ADGRL3: variants seen among roughly 807,000 people sequenced by gnomAD.
ADGRL3 encodes the protein calcium-independent alpha-latrotoxin receptor 3.
ADGRL3 carries 62 observed loss-of-function variants against 153.5 expected under a neutral mutation model. That is an observed-to-expected ratio of 0.40 (90% CI 0.33 to 0.50). ADGRL3 has a LOEUF of 0.50. ADGRL3 is among the 20% of genes least tolerant of loss of function. The pLI is 0.47. For missense variants in ADGRL3, 1,641 were observed against 1,859.4 expected, an observed-to-expected ratio of 0.88 and a Z score of 2.16; for synonymous variants, 710 against 672.5, an observed-to-expected ratio of 1.06 and a Z score of -0.86.
chr4:61,364,269 A>G (rs1419016970), intron 1 of ADGRL3, among the ~76,000 whole-genome samples: 1 of 151,078 alleles, frequency 6.6e-6, no homozygotes, highest in African/African-American at 2.4e-5. Context: ...GCAGGCAGAG[A>G]TTGCAGTGAG....
intron 21 of ADGRL3, among the ~76,000 whole-genome samples, chr4:62,012,325 T>C (rs1458525887): frequency 6.6e-6 from 1 of 152,204 alleles, no homozygotes; most frequent in East Asian, 1.9e-4. Flanking sequence ...TCAACTTGAA[T>C]TTTAAATATT....
intron 1 of ADGRL3, among the ~76,000 whole-genome samples, chr4:61,268,694 C>A (rs1427941708): frequency 2.6e-5 from 4 of 151,172 alleles, no homozygotes; most frequent in African/African-American, 9.7e-5. Flanking sequence ...TAAAATATGA[C>A]ACATATTTGG....
At chr4:61,513,199 G>A (rs761913993) in intron 3 of ADGRL3, among the ~76,000 whole-genome samples, 3 of 152,098 alleles carry the variant, frequency 2.0e-5, no homozygotes, top group Non-Finnish European at 2.9e-5. Flanking sequence ...TTACAAAGCT[G>A]CTCATGTAAG....
chr4:61,250,502 G>C (rs1246398805), intron 1 of ADGRL3, among the ~76,000 whole-genome samples: 2 of 152,148 alleles, frequency 1.3e-5, no homozygotes, highest in Non-Finnish European at 2.9e-5. Context: ...TGATGGCCTT[G>C]AAGGAGCTCC....
Position 61,878,812 on chromosome 4 carries a change from A to AT in ADGRL3, c.1481-13838dup, listed in dbSNP as rs1224118596. Among the ~76,000 whole-genome samples, 6 of 152,236 alleles carry AT rather than the reference A, an allele frequency of 3.9e-5. No homozygotes were observed. In the East Asian group the frequency reaches 1.2e-3, roughly 29 times the overall value. Reference sequence around the variant, plus strand: ...ATTTGGTCTGCAGAGTCTTACATAAATTTTTTACATTCCCTTGTGTGAAGA... The same window carrying AT: ...ATTTGGTCTGCAGAGTCTTACATAAATTTTTTTACATTCCCTTGTGTGAAGA... On this transcript the variant is annotated intron_variant, in intron 9 of 26. Coordinates refer to ENST00000683033, the MANE Select transcript of ADGRL3 (RefSeq NM_001387552.1).
intron 2 of ADGRL3, among the ~76,000 whole-genome samples, chr4:61,416,727 G>C (rs2097148736): frequency 6.6e-6 from 1 of 152,144 alleles, no homozygotes; most frequent in African/African-American, 2.4e-5. Flanking sequence ...TTTGGCACTA[G>C]GAACCAGTTT....
intron 5 of ADGRL3, among the ~76,000 whole-genome samples, chr4:61,651,126 A>C (rs1482776768): frequency 2.0e-5 from 3 of 152,150 alleles, no homozygotes; most frequent in Non-Finnish European, 2.9e-5. Flanking sequence ...TCGGAAGAAA[A>C]GTTCTAGCTT....
chr4:61,890,350 T>C (rs1213772204), intron 9 of ADGRL3, among the ~76,000 whole-genome samples: 3 of 152,324 alleles, frequency 2.0e-5, no homozygotes, highest in Admixed American at 6.5e-5. Flanking sequence ...CCTATCTTAG[T>C]TCATTTTCTA....
intron 5 of ADGRL3, among the ~76,000 whole-genome samples, chr4:61,659,712 C>T (rs1393775862): frequency 2.0e-5 from 3 of 151,996 alleles, no homozygotes; most frequent in Non-Finnish European, 2.9e-5. Flanking sequence ...TACTTAATTT[C>T]TTCATGCATA....
chr4:61,877,319 A>T (rs1338015447), intron 9 of ADGRL3, among the ~76,000 whole-genome samples: 8 of 152,328 alleles, frequency 5.3e-5, no homozygotes, highest in Admixed American at 5.2e-4. Flanking sequence ...GATTTCATTT[A>T]TATAACATCC....
At position 61,998,167 on chromosome 4, in the gene ADGRL3, A is replaced by G. The variant is rs1400213503; in HGVS notation, c.3304-7A>G. 6.6e-7 allele frequency: 1 copy of G among 1,504,988 alleles called. No individual in the cohort carries two copies. Among genetic ancestry groups the G allele is most frequent in the South Asian group, 1.2e-5 (1 of 80,644 alleles). 93.2% of individuals were successfully genotyped at this position (1,504,988 alleles called of 1,614,324 possible). ...TATGCTACATAACACTACCTTTTGC[A>G]TTCCAGCTTAATGTAATCTTCCTTG... On this transcript the variant is annotated splice_polypyrimidine_tract_variant and splice_region_variant and intron_variant, in intron 20 of 26. Coordinates refer to ENST00000683033, the MANE Select transcript of ADGRL3 (RefSeq NM_001387552.1).
intron 8 of ADGRL3, among the ~76,000 whole-genome samples, chr4:61,779,058 A>G: frequency 8.1e-6 from 1 of 122,830 alleles, no homozygotes. Context: ...ACTCTGTCTC[A>G]AAAAAAAAAA....
chr4:61,419,105 A>G (rs1298783961), intron 2 of ADGRL3, among the ~76,000 whole-genome samples: 1 of 150,848 alleles, frequency 6.6e-6, no homozygotes, highest in Non-Finnish European at 1.5e-5. Context: ...AGGTAGATTT[A>G]ATATATAATA....
intron 2 of ADGRL3, among the ~76,000 whole-genome samples, chr4:61,401,760 G>T (rs1467199948): frequency 6.6e-6 from 1 of 152,024 alleles, no homozygotes; most frequent in Non-Finnish European, 1.5e-5. Flanking sequence ...TCAAAAACCT[G>T]TAACATATAT....
intron 4 of ADGRL3, among the ~76,000 whole-genome samples, chr4:61,551,021 T>C (rs2098737866): frequency 6.6e-6 from 1 of 152,150 alleles, no homozygotes; most frequent in Non-Finnish European, 1.5e-5. Flanking sequence ...TAGGCACTTG[T>C]AAATTTTTAC....
intron 6 of ADGRL3, among the ~76,000 whole-genome samples, chr4:61,684,167 G>A (rs764933961): frequency 6.8e-4 from 104 of 152,068 alleles, no homozygotes; most frequent in Non-Finnish European, 1.1e-3. Flanking sequence ...CAGTTACAAC[G>A]TACAACATGG....
intron 6 of ADGRL3, among the ~76,000 whole-genome samples, chr4:61,711,561 C>T (rs1225693792): frequency 1.4e-5 from 2 of 144,474 alleles, no homozygotes; most frequent in Admixed American, 7.1e-5. Flanking sequence ...AGGCACATTA[C>T]ATCTAATTGA....
At chr4:61,742,936 C>A (rs2096599981) in intron 8 of ADGRL3, among the ~76,000 whole-genome samples, 1 of 151,888 alleles carries the variant, frequency 6.6e-6, no homozygotes, top group African/African-American at 2.4e-5. Flanking sequence ...AGCGAAGATA[C>A]AAATCAAAAT....
At chr4:61,893,870 G>A (rs1481954320) in intron 10 of ADGRL3, among the ~76,000 whole-genome samples, 2 of 151,784 alleles carry the variant, frequency 1.3e-5, no homozygotes, top group African/African-American at 2.4e-5. Context: ...ACCATGCCCG[G>A]CTAATTCTTT....
Sources: gnomAD v4.1 joint callset for allele counts (sites outside exome capture counted in the v4.1 genomes callset) on GRCh38, gnomAD v4.1.1 for gene constraint, MANE v1.5 for transcripts, NCBI Gene and HGNC (gene_info 2026-07-23, HGNC 2026-07-21) for gene names.